The following ARHGEF17 variants were observed in gnomAD, a reference collection of about 807,000 sequenced individuals.
The protein encoded by ARHGEF17 is Rho guanine nucleotide exchange factor 17.
In ARHGEF17, 80 loss-of-function variants were observed where a neutral mutation model predicts 174.0. The ratio of observed to expected loss-of-function variants is 0.46; its 90% CI spans 0.38 to 0.55. The LOEUF is 0.55. Ranked by LOEUF, ARHGEF17 falls within the 20% of genes least tolerant of loss-of-function variation. ARHGEF17 has a pLI of 0.00. For missense variants in ARHGEF17, 2,886 were observed against 2,839.7 expected, an observed-to-expected ratio of 1.02 and a Z score of -0.37; for synonymous variants, 1,311 against 1,189.1, an observed-to-expected ratio of 1.10 and a Z score of -2.11.
chr11:73,362,530 A>T lies in ARHGEF17; in HGVS notation c.4792A>T (p.Thr1598Ser). The T allele has an allele frequency of 6.2e-7, 1 of 1,606,298 alleles. No individual in the cohort carries two copies. ...VEAAADEEAA[T>S]LAEPGPQPCL... Reference sequence around the variant, plus strand: ...GGCCGCTGCAGACGAGGAAGCCGCGACGCTCGCGGAGCCGGGGCCGCAGCC... The same window carrying T: ...GGCCGCTGCAGACGAGGAAGCCGCGTCGCTCGCGGAGCCGGGGCCGCAGCC... Residue 1598 changes from threonine to serine, a missense_variant, in exon 14 of 21, where the codon ACG becomes TCG. Thr to Ser is a moderately conservative substitution (Grantham distance 58). Coordinates refer to ENST00000263674, the MANE Select transcript of ARHGEF17 (RefSeq NM_014786.4).
At position 73,356,476 on chromosome 11, in the gene ARHGEF17, T is replaced by C. The variant is rs1591757128; in HGVS notation, c.3840+125T>C. The C allele has an allele frequency of 4.6e-6, 6 of 1,291,014 alleles. No individual in the cohort carries two copies. In the East Asian group the frequency reaches 1.5e-4, roughly 33 times the overall value. The allele number at this position is 1,291,014 out of a possible 1,614,324, so 80.0% of individuals were successfully genotyped here. ...GTCCATGTCCGGAACCACAGTGTGTTTGCATCCATGTCTGCCAGCCTCTGT... is the reference window on the plus strand; with the variant it reads ...GTCCATGTCCGGAACCACAGTGTGTCTGCATCCATGTCTGCCAGCCTCTGT... On this transcript the variant is annotated intron_variant, in intron 6 of 20. Coordinates refer to ENST00000263674, the MANE Select transcript of ARHGEF17 (RefSeq NM_014786.4).
rs1221983904 is a variant in ARHGEF17 at position 73,365,595 on chromosome 11, C to T, written c.5725+31C>T. On this transcript the variant is annotated intron_variant, in intron 19 of 20. Transcript: ENST00000263674. This position sits in a 1 kb window ranked among gnomAD's most constrained non-coding sequence, Gnocchi z 4.9. ...GACCTCAAACTACCACAGCACCCTC[C>T]TTGGAGCCTTTCTGCCCGATCGTAG... 6.2e-7 allele frequency: 1 copy of T among 1,611,298 alleles called. No homozygotes were observed. The highest frequency in any genetic ancestry group is 1.7e-5 in the Admixed American group (1 of 59,986).
intron 1 of ARHGEF17, among the ~76,000 whole-genome samples, chr11:73,317,856 A>G (rs901869011): frequency 6.6e-6 from 1 of 152,172 alleles, no homozygotes; most frequent in Non-Finnish European, 1.5e-5. Context: ...CCCCAACCAC[A>G]GTGCCTGAGC....
Position 73,351,883 on chromosome 11 carries a change from G to A in ARHGEF17, c.3271-947G>A, listed in dbSNP as rs1490519825. Among the ~76,000 whole-genome samples the A allele has an allele frequency of 3.9e-5, 6 of 151,946 alleles. No individual in the cohort carries two copies. In the South Asian group the frequency reaches 6.3e-4, roughly 16 times the overall value. On this transcript the variant is annotated intron_variant, in intron 2 of 20. Transcript: ENST00000263674. Reference sequence around the variant, plus strand: ...CAGGCTTGAGCCACCGCGCCCTGCCGCATTATCGCCTTTTAACTGACTACG... The same window carrying A: ...CAGGCTTGAGCCACCGCGCCCTGCCACATTATCGCCTTTTAACTGACTACG...
At chr11:73,349,112 G>C (rs1021204014) in intron 2 of ARHGEF17, among the ~76,000 whole-genome samples, 2 of 152,198 alleles carry the variant, frequency 1.3e-5, no homozygotes, top group Admixed American at 1.3e-4. Context: ...GATGCAGCCA[G>C]AATGCCAGGC....
chr11:73,333,208 A>G (rs1261919276), intron 1 of ARHGEF17, among the ~76,000 whole-genome samples: 1 of 152,112 alleles, frequency 6.6e-6, no homozygotes, highest in Non-Finnish European at 1.5e-5. Context: ...AAAGGCCGAA[A>G]CTCTAGAAGT....
At chr11:73,324,800 G>A (rs1865074854) in intron 1 of ARHGEF17, among the ~76,000 whole-genome samples, 3 of 152,202 alleles carry the variant, frequency 2.0e-5, no homozygotes, top group African/African-American at 7.2e-5. Context: ...CACAGTCCAT[G>A]GTCTGAGTCC....
At chr11:73,364,983 G>C (rs1282879275) in intron 18 of ARHGEF17, 1 of 297,290 alleles carries the variant, frequency 3.4e-6, no homozygotes, top group Non-Finnish European at 6.3e-6. Context: ...AGGGGCAACG[G>C]GTTCCCTTAA....
chr11:73,313,025 G>A (rs914292637), intron 1 of ARHGEF17, among the ~76,000 whole-genome samples: 4 of 152,224 alleles, frequency 2.6e-5, no homozygotes, highest in Middle Eastern at 3.4e-3. Context: ...TGTGGCCTGC[G>A]CTCCCACTGC....
rs1435239679 is a variant in ARHGEF17, at chr11:73,309,060, C to T, written c.422C>T (p.Pro141Leu). The part of the protein sequence containing the change: ...KLFGGPGSRR[P>L]SADSESPGTP... ...TTCGGCGGTCCTGGCTCCAGGAGGC[C>T]CAGCGCCGACTCTGAATCCCCAGGA... The change falls in exon 1 of 21, where the codon CCC becomes CTC. Residue 141 changes from proline (P) to leucine (L), a missense_variant. Physicochemically the swap from Pro to Leu is moderately conservative, Grantham distance 98. Coordinates refer to ENST00000263674, the MANE Select transcript of ARHGEF17 (RefSeq NM_014786.4). 2.7e-6 allele frequency: 4 copies of T among 1,506,024 alleles called. No homozygotes were observed. The highest frequency in any genetic ancestry group is 3.5e-6 in the Non-Finnish European group (4 of 1,132,600). 93.3% of individuals were successfully genotyped at this position (1,506,024 alleles called of 1,614,324 possible).
At chr11:73,318,201 G>T (rs11827650) in intron 1 of ARHGEF17, among the ~76,000 whole-genome samples, 1 of 151,842 alleles carries the variant, frequency 6.6e-6, no homozygotes, top group African/African-American at 2.4e-5. Flanking sequence ...GGGTCTACCC[G>T]CTACGTGCTT....
At position 73,368,417 on chromosome 11, in the gene ARHGEF17, A is replaced by G. The variant is rs1381247682; in HGVS notation, c.*637A>G. On this transcript the variant is annotated 3_prime_UTR_variant, in exon 21 of 21. Transcript: ENST00000263674. Reference sequence around the variant, plus strand: ...GGCCCTAAACATTGCCCGTTGACATAAACTTTCCAGGGCCCCAGCCTGATG... The same window carrying G: ...GGCCCTAAACATTGCCCGTTGACATGAACTTTCCAGGGCCCCAGCCTGATG... 3 of 152,278 alleles carry G rather than the reference A, an allele frequency of 2.0e-5. No homozygotes were observed. The highest frequency in any genetic ancestry group is 2.1e-4 in the South Asian group (1 of 4,834). The allele number at this position is 152,278 out of a possible 1,614,324, so 9.4% of individuals were successfully genotyped here. A position where few individuals can be genotyped will look rare whatever the true frequency, so the allele number is the denominator to read the frequency against.
chr11:73,358,526 C>T (rs954179775), intron 9 of ARHGEF17, among the ~76,000 whole-genome samples: 4 of 141,494 alleles, frequency 2.8e-5, no homozygotes, highest in Non-Finnish European at 6.0e-5. Flanking sequence ...GGCACGATCT[C>T]GGCTCACTGT....
At chr11:73,346,238 T>C (rs1450622204) in intron 1 of ARHGEF17, among the ~76,000 whole-genome samples, 2 of 152,208 alleles carry the variant, frequency 1.3e-5, no homozygotes, top group Non-Finnish European at 2.9e-5. Flanking sequence ...TAATATGTCA[T>C]GCTTAGAACA....
chr11:73,362,065 A>ACAG lies in ARHGEF17; in HGVS notation c.4522_4524dup (p.Ser1508dup). The ACAG allele has an allele frequency of 6.2e-7, 1 of 1,612,680 alleles. No individual in the cohort carries two copies. The highest frequency in any genetic ancestry group is 8.5e-7 in the Non-Finnish European group (1 of 1,179,832). On this transcript the variant is annotated inframe_insertion, in exon 13 of 21. Coordinates refer to ENST00000263674, the MANE Select transcript of ARHGEF17 (RefSeq NM_014786.4). ...TTCTCCTGTGCGGCTCCCACCCTGA[A>ACAG]CAGCTGCCCGGAGCCCTCGCCTGAG...
chr11:73,355,871 G>A lies in ARHGEF17; in HGVS notation c.3581G>A (p.Arg1194His), dbSNP rs376468445. Reference protein sequence around the residue: ...AFLKFLEQSMRENKEKQALSD... With the variant: ...AFLKFLEQSMHENKEKQALSD... ...ATCCATGGGTTTCAGCAAAGCATGC[G>A]TGAGAACAAGGAGAAGCAGGCGCTG... is the stretch of plus-strand genomic sequence containing the variant. Residue 1194 changes from arginine to histidine, a missense_variant, in exon 5 of 21, where the codon CGT becomes CAT. Transcript: ENST00000263674. 2.7e-5 allele frequency: 43 copies of A among 1,614,088 alleles called. No homozygotes were observed. The highest frequency in any genetic ancestry group is 2.7e-5 in the African/African-American group (2 of 74,936).
Position 73,310,352 on chromosome 11 carries a change from C to A in ARHGEF17, c.1714C>A (p.Leu572Met). Residue 572 changes from leucine (L) to methionine (M), a missense_variant, in exon 1 of 21, where the codon CTG becomes ATG. Leu to Met is a conservative substitution (Grantham distance 15). Coordinates refer to ENST00000263674, the MANE Select transcript of ARHGEF17 (RefSeq NM_014786.4). ...TCTGAAGTCCAGCTCCTCCGAGCTC[C>A]TGCTCACAGGCCCTGGTGCCGAGGA... ...SALKSSSSELLLTGPGAEEDP... is the reference protein window; with the variant it reads ...SALKSSSSELMLTGPGAEEDP... 6.2e-7 allele frequency: 1 copy of A among 1,613,872 alleles called. No homozygotes were observed. The highest frequency in any genetic ancestry group is 8.5e-7 in the Non-Finnish European group (1 of 1,180,002).
chr11:73,330,694 AG>A (rs1865190441), intron 1 of ARHGEF17, among the ~76,000 whole-genome samples: 1 of 152,226 alleles, frequency 6.6e-6, no homozygotes, highest in Admixed American at 6.5e-5. Flanking sequence ...ACTTTGGGCA[AG>A]CCCCATCCCC....
In ARHGEF17 at chr11:73,355,618, A is replaced by G. The variant is rs532047351; in HGVS notation, c.3539A>G (p.Glu1180Gly). The stretch of plus-strand genomic sequence containing the variant: ...AAGGATGCTGTGCGTGTGGCCAAGG[A>G]GGCGAGGCCTGCCTTTCTCAAGTTC... ...NAKDAVRVAKEARPAFLKFLE... is the reference protein window; with the variant it reads ...NAKDAVRVAKGARPAFLKFLE... Residue 1180 changes from glutamate to glycine, a missense_variant, in exon 4 of 21, where the codon GAG becomes GGG. Glu to Gly is a moderately conservative substitution (Grantham distance 98). Coordinates refer to ENST00000263674, the MANE Select transcript of ARHGEF17 (RefSeq NM_014786.4). 6.2e-7 allele frequency: 1 copy of G among 1,614,092 alleles called. No homozygotes were observed. The highest frequency in any genetic ancestry group is 1.1e-5 in the South Asian group (1 of 91,070).
Sources: allele counts gnomAD v4.1 joint callset (sites outside exome capture counted in the v4.1 genomes callset), GRCh38; gene constraint gnomAD v4.1.1; non-coding constraint Gnocchi (gnomAD v3.1); transcripts MANE v1.5; gene names NCBI Gene and HGNC (gene_info 2026-07-23, HGNC 2026-07-21).